The following PPP2R2B variants were observed in gnomAD, a reference collection of about 807,000 sequenced individuals.
PPP2R2B encodes the protein serine/threonine-protein phosphatase 2A 55 kDa regulatory subunit B beta isoform.
A neutral mutation model predicts 46.0 loss-of-function variants in PPP2R2B; 5 were observed. The observed-to-expected ratio is 0.11, with a 90% CI of 0.06 to 0.23. The LOEUF (loss-of-function observed/expected upper bound fraction) is 0.23. Ranked by LOEUF, PPP2R2B falls within the 10% of genes least tolerant of loss-of-function variation. PPP2R2B has a pLI of 1.00. For synonymous variants in PPP2R2B, 215 were observed against 206.7 expected (o/e 1.04, Z -0.34); for missense variants, 367 against 575.0 (o/e 0.64, Z 3.70).
chr5:146,861,013 T>TCACTTATCA (rs1258761094), intron 2 of PPP2R2B, among the ~76,000 whole-genome samples: 4 of 151,792 alleles, frequency 2.6e-5, no homozygotes, highest in Non-Finnish European at 5.9e-5. Flanking sequence ...GTCACAGTGT[T>TCACTTATCA]CACTTATCAC....
intron 2 of PPP2R2B, among the ~76,000 whole-genome samples, chr5:146,738,785 TATACTAGAG>T (rs1752696575): frequency 6.6e-6 from 1 of 152,188 alleles, no homozygotes. Flanking sequence ...TATTCTAGCT[TATACTAGAG>T]AACAATAAAA....
intron 7 of PPP2R2B, among the ~76,000 whole-genome samples, chr5:146,618,460 T>C (rs1199075913): frequency 6.6e-6 from 1 of 152,354 alleles, no homozygotes; most frequent in East Asian, 1.9e-4. Context: ...ATTTGTGTTA[T>C]TTTAAGCCAC....
intron 1 of PPP2R2B, among the ~76,000 whole-genome samples, chr5:146,965,401 G>A (rs1752356962): frequency 6.6e-6 from 1 of 152,150 alleles, no homozygotes; most frequent in South Asian, 2.1e-4. Flanking sequence ...CAGTTTTCAG[G>A]ATAATGGGAA....
intron 1 of PPP2R2B, among the ~76,000 whole-genome samples, chr5:146,903,341 T>G (rs1029174475): frequency 6.6e-6 from 1 of 151,858 alleles, no homozygotes. Flanking sequence ...AAACACTGTT[T>G]TTTTTGTTTT....
intron 1 of PPP2R2B, among the ~76,000 whole-genome samples, chr5:147,051,891 T>C (rs1756845294): frequency 1.3e-5 from 2 of 150,516 alleles, no homozygotes; most frequent in Non-Finnish European, 1.5e-5. Context: ...GCCTCCCAAG[T>C]AGCTGGGACT....
At chr5:147,058,767 T>G (rs1465264038), upstream of PPP2R2B, among the ~76,000 whole-genome samples, 1 of 152,200 alleles carries the variant, frequency 6.6e-6, no homozygotes, top group East Asian at 1.9e-4. Flanking sequence ...CCATTTGAAC[T>G]GTTTCAGTGT....
At chr5:146,677,963 G>T (rs1355718269) in intron 5 of PPP2R2B, among the ~76,000 whole-genome samples, 3 of 152,144 alleles carry the variant, frequency 2.0e-5, no homozygotes, top group African/African-American at 7.2e-5. Context: ...TTAATGTTAG[G>T]TTAGACAGAA....
At chr5:146,876,726 G>C (rs1466649969) in intron 2 of PPP2R2B, among the ~76,000 whole-genome samples, 1 of 152,166 alleles carries the variant, frequency 6.6e-6, no homozygotes, top group African/African-American at 2.4e-5. Flanking sequence ...AGCACCATGG[G>C]CATACTGGGC....
chr5:146,629,699 C>T (rs939764581), intron 7 of PPP2R2B, among the ~76,000 whole-genome samples: 4 of 151,850 alleles, frequency 2.6e-5, no homozygotes, highest in African/African-American at 9.7e-5. Flanking sequence ...CTTCACTTTC[C>T]TTTTCCCCTC....
chr5:146,641,254 G>A (rs1352434149), intron 6 of PPP2R2B, among the ~76,000 whole-genome samples: 2 of 152,248 alleles, frequency 1.3e-5, no homozygotes, highest in South Asian at 2.1e-4. Flanking sequence ...AGTGGGCAGA[G>A]CTGGGATTTG....
At chr5:146,768,888 C>T (rs1218214867) in intron 2 of PPP2R2B, among the ~76,000 whole-genome samples, 2 of 145,262 alleles carry the variant, frequency 1.4e-5, no homozygotes, top group Non-Finnish European at 3.0e-5. Context: ...TTTGTTGTTA[C>T]TTTTTTTTTT....
rs560776596 is a variant in PPP2R2B, at chr5:147,047,634, C to T, written c.79+8031G>A. Among the ~76,000 whole-genome samples the T allele has an allele frequency of 2.0e-4, 31 of 152,040 alleles. 1 individual carries two copies. In the South Asian group the frequency reaches 5.6e-3, roughly 28 times the overall value. On this transcript the variant is annotated intron_variant, in intron 1 of 8. Coordinates refer to the PPP2R2B transcript ENST00000336640. ...CAATTGTCTGATATATGCAAAATTT[C>T]CCCCCCTTTTTATAGATGATAAAAT...
chr5:146,920,041 A>G (rs1017081407), intron 1 of PPP2R2B, among the ~76,000 whole-genome samples: 2 of 152,200 alleles, frequency 1.3e-5, no homozygotes, highest in Non-Finnish European at 2.9e-5. Flanking sequence ...ATTACCAAAG[A>G]TATCTTTGTG....
At chr5:146,685,709 T>C (rs1408798748) in intron 5 of PPP2R2B, among the ~76,000 whole-genome samples, 1 of 152,174 alleles carries the variant, frequency 6.6e-6, no homozygotes, top group Non-Finnish European at 1.5e-5. Context: ...AGGGTCATTT[T>C]AAGTGGAAAA....
chr5:146,978,746 A>G (rs1388912261), intron 1 of PPP2R2B, among the ~76,000 whole-genome samples: 2 of 152,166 alleles, frequency 1.3e-5, no homozygotes, highest in East Asian at 3.8e-4. Flanking sequence ...TTTCAGTACC[A>G]GTACCATGCT....
intron 1 of PPP2R2B, among the ~76,000 whole-genome samples, chr5:147,032,793 A>G (rs1379520959): frequency 6.6e-6 from 1 of 152,132 alleles, no homozygotes; most frequent in African/African-American, 2.4e-5. Context: ...CAATTTTGCT[A>G]TTGTAAATTG....
chr5:146,690,937 A>T (rs1561835891), intron 5 of PPP2R2B, among the ~76,000 whole-genome samples, 191 bp downstream of exon 5: 1 of 152,248 alleles, frequency 6.6e-6, no homozygotes, highest in Non-Finnish European at 1.5e-5. Context: ...ATGGATTTGT[A>T]GTCATTAGAA....
intron 2 of PPP2R2B, among the ~76,000 whole-genome samples, 161 bp downstream of exon 2, chr5:146,877,841 G>T (rs1761986617): frequency 2.0e-5 from 3 of 152,200 alleles, no homozygotes; most frequent in Admixed American, 2.0e-4. Flanking sequence ...GAGCCCGGAT[G>T]GATGCGAGGT....
chr5:146,780,565 G>A (rs762974682), intron 2 of PPP2R2B, among the ~76,000 whole-genome samples: 16 of 152,090 alleles, frequency 1.1e-4, no homozygotes, highest in Admixed American at 2.0e-4. Context: ...ATTATCTTTG[G>A]CATATTCCCC....
Sources: allele counts gnomAD v4.1 joint callset (sites outside exome capture counted in the v4.1 genomes callset), GRCh38; gene constraint gnomAD v4.1.1; transcripts MANE v1.5; gene names NCBI Gene and HGNC (gene_info 2026-07-23, HGNC 2026-07-21).